LIPC: variants seen among roughly 807,000 people sequenced by gnomAD.
LIPC encodes the protein lipase C, hepatic type.
Under a neutral mutation model 50.7 loss-of-function variants are expected in LIPC, and 44 were observed. The observed-to-expected ratio is 0.87, with a 90% CI of 0.68 to 1.11. The LOEUF (loss-of-function observed/expected upper bound fraction) is 1.11. Ranked by LOEUF, LIPC falls within the 50% of genes most tolerant of loss-of-function variation. The pLI is 0.00. For synonymous variants in LIPC, 271 were observed against 256.4 expected, an observed-to-expected ratio of 1.06 and a Z score of -0.54; for missense variants, 697 against 648.2, an observed-to-expected ratio of 1.08 and a Z score of -0.82.
chr15:58,449,746 G>A (rs1444191792), intron 1 of LIPC, among the ~76,000 whole-genome samples: 9 of 152,074 alleles, frequency 5.9e-5, no homozygotes, highest in Admixed American at 3.9e-4. Flanking sequence ...CGCCATGTTG[G>A]CCAGGCTGGT....
chr15:58,515,541 T>C (rs1892459857), intron 1 of LIPC, among the ~76,000 whole-genome samples: 1 of 150,694 alleles, frequency 6.6e-6, no homozygotes, highest in Admixed American at 6.6e-5. Context: ...CACATATATA[T>C]ATATATATAT....
intron 1 of LIPC, among the ~76,000 whole-genome samples, chr15:58,514,714 C>T (rs1330601054): frequency 3.3e-5 from 5 of 152,148 alleles, no homozygotes; most frequent in Non-Finnish European, 7.3e-5. Flanking sequence ...ATCCCAGCTA[C>T]TTCGGAGGCT....
At chr15:58,512,494 T>C (rs577156362) in intron 1 of LIPC, among the ~76,000 whole-genome samples, 2 of 152,142 alleles carry the variant, frequency 1.3e-5, no homozygotes, top group Non-Finnish European at 2.9e-5. Flanking sequence ...AAAATGGGGA[T>C]GGGGCCTTTG....
chr15:58,553,735 T>G (rs1595948033), intron 6 of LIPC, among the ~76,000 whole-genome samples: 1 of 152,322 alleles, frequency 6.6e-6, no homozygotes, highest in African/African-American at 2.4e-5. Context: ...ATACAAAGGC[T>G]AACAAAATCA....
At chr15:58,556,766 T>C (rs1341122936) in intron 6 of LIPC, among the ~76,000 whole-genome samples, 3 of 152,234 alleles carry the variant, frequency 2.0e-5, no homozygotes, top group African/African-American at 7.2e-5. Flanking sequence ...TAACTTCTAA[T>C]TGCAGCTTCA....
At chr15:58,438,238 C>T (rs1478181286) in intron 1 of LIPC, among the ~76,000 whole-genome samples, 2 of 152,092 alleles carry the variant, frequency 1.3e-5, no homozygotes, top group Non-Finnish European at 2.9e-5. Context: ...GGGAGAGAGG[C>T]AGAAAGAGGC....
chr15:58,456,338 T>A (rs1894113087), intron 1 of LIPC: 1 of 152,248 alleles, frequency 6.6e-6, no homozygotes, highest in African/African-American at 2.4e-5. Flanking sequence ...AATAAATTGC[T>A]CTGTGTGATA....
At chr15:58,482,899 C>T (rs767401937) in intron 1 of LIPC, among the ~76,000 whole-genome samples, 16 of 152,142 alleles carry the variant, frequency 1.1e-4, no homozygotes, top group Non-Finnish European at 2.2e-4. Context: ...TGGAGTGATT[C>T]GCTTCTCATC....
At chr15:58,550,234 G>A (rs1179360604) in intron 6 of LIPC, among the ~76,000 whole-genome samples, 1 of 152,162 alleles carries the variant, frequency 6.6e-6, no homozygotes, top group African/African-American at 2.4e-5. Flanking sequence ...GAGAAGGGTG[G>A]GGGAATTGCT....
In LIPC at chr15:58,548,374, C is replaced by A. The variant is rs1271007888; in HGVS notation, c.853C>A (p.Leu285Ile). 1.9e-6 allele frequency: 3 copies of A among 1,614,170 alleles called. No homozygotes were observed. Among genetic ancestry groups the A allele is most frequent in the East Asian group, 4.5e-5 (2 of 44,886 alleles). Reference sequence around the variant, plus strand: ...ATGCTCCCACGAGCGATCGGTGCACCTTTTCATCGACTCCTTGCTGCACGC... The same window carrying A: ...ATGCTCCCACGAGCGATCGGTGCACATTTTCATCGACTCCTTGCTGCACGC... Reference protein sequence around the residue: ...IKCSHERSVHLFIDSLLHAGT... With the variant: ...IKCSHERSVHIFIDSLLHAGT... The change falls in exon 6 of 9, where the codon CTT (leucine) becomes ATT (isoleucine). Residue 285 changes from leucine (L) to isoleucine (I), a missense_variant. Coordinates refer to ENST00000299022, the MANE Select transcript of LIPC (RefSeq NM_000236.3).
intron 1 of LIPC, among the ~76,000 whole-genome samples, chr15:58,510,323 G>A (rs147825987): frequency 8.5e-5 from 13 of 152,328 alleles, no homozygotes; most frequent in South Asian, 2.1e-4. Flanking sequence ...AACTGCCATC[G>A]CTTCAGTTGA....
chr15:58,565,384 T>TA, intron 8 of LIPC: 1 of 1,500,824 alleles, frequency 6.7e-7, no homozygotes, highest in East Asian at 2.5e-5. Flanking sequence ...AAAGGGTGGC[T>TA]AAAGCACAAC....
At chr15:58,504,152 G>T (rs1268632233) in intron 1 of LIPC, among the ~76,000 whole-genome samples, 1 of 152,214 alleles carries the variant, frequency 6.6e-6, no homozygotes, top group Admixed American at 6.5e-5. Context: ...CCTGGCTGGA[G>T]TGAACAAGCT....
intron 7 of LIPC, among the ~76,000 whole-genome samples, chr15:58,561,230 A>G (rs1297118438): frequency 1.3e-5 from 2 of 152,190 alleles, no homozygotes; most frequent in South Asian, 2.1e-4. Flanking sequence ...GCTTGGTTTT[A>G]TACATTATAG....
At chr15:58,470,677 G>T (rs976365740) in intron 1 of LIPC, among the ~76,000 whole-genome samples, 1 of 149,060 alleles carries the variant, frequency 6.7e-6, no homozygotes, top group Non-Finnish European at 1.5e-5. Context: ...TCGGCTCACC[G>T]CAACCTCCGC....
intron 3 of LIPC, 140 bp from the exon 4 acceptor site, chr15:58,542,394 G>A: frequency 2.7e-6 from 2 of 742,482 alleles, no homozygotes; most frequent in Non-Finnish European, 4.9e-6. Flanking sequence ...TGAGAGATTA[G>A]TTTCAGTTTG....
intron 1 of LIPC, among the ~76,000 whole-genome samples, chr15:58,448,667 T>C (rs1211112488): frequency 1.3e-5 from 2 of 152,206 alleles, no homozygotes; most frequent in Non-Finnish European, 2.9e-5. Context: ...CCCTGGAAGA[T>C]TCCAGGTAAC....
At chr15:58,468,546 A>G (rs566041496) in intron 1 of LIPC, among the ~76,000 whole-genome samples, 13 of 152,330 alleles carry the variant, frequency 8.5e-5, no homozygotes, top group African/African-American at 3.1e-4. Flanking sequence ...CTCGAGATGG[A>G]TGGTCCACAA....
intron 4 of LIPC, among the ~76,000 whole-genome samples, chr15:58,543,370 A>G (rs974462063): frequency 9.9e-5 from 15 of 151,304 alleles, no homozygotes; most frequent in African/African-American, 3.2e-4. Context: ...GAAGCCCCAG[A>G]GTGCCCCAGC....
Sources: gnomAD v4.1 joint callset for allele counts (sites outside exome capture counted in the v4.1 genomes callset) on GRCh38, gnomAD v4.1.1 for gene constraint, MANE v1.5 for transcripts, NCBI Gene and HGNC (gene_info 2026-07-23, HGNC 2026-07-21) for gene names.